SYNRG: variants seen among roughly 807,000 people sequenced by gnomAD.
The protein encoded by SYNRG is synergin gamma, also known as AP1 gamma subunit binding protein 1.
A neutral mutation model predicts 130.9 loss-of-function variants in SYNRG; 37 were observed. The ratio of observed to expected loss-of-function variants is 0.28; its 90% CI spans 0.22 to 0.37. The LOEUF (loss-of-function observed/expected upper bound fraction) is 0.37. Among genes scored for constraint, SYNRG ranks in the 10% least tolerant of loss-of-function variants. SYNRG has a pLI of 1.00. For synonymous variants in SYNRG, 539 were observed against 568.1 expected (o/e 0.95, Z 0.73); for missense variants, 1,338 against 1,588.9 (o/e 0.84, Z 2.68).
chr17:37,567,588 C>A (rs984155821), intron 11 of SYNRG: 1 of 152,176 alleles, frequency 6.6e-6, no homozygotes, highest in African/African-American at 2.4e-5. Context: ...TGGTCACATT[C>A]CTTATATGTT....
chr17:37,569,217 C>G (rs2060225129), intron 10 of SYNRG, among the ~76,000 whole-genome samples: 1 of 152,228 alleles, frequency 6.6e-6, no homozygotes, highest in African/African-American at 2.4e-5. Context: ...CGAGACCAGT[C>G]TGGCTAACAT....
rs369524495 is a variant in SYNRG, at chr17:37,539,233, A to C, written c.3379T>G (p.Tyr1127Asp). The C allele has an allele frequency of 5.0e-6, 8 of 1,614,068 alleles. No homozygotes were observed. In the African/African-American group the frequency reaches 6.7e-5, roughly 13 times the overall value. Residue 1127 changes from tyrosine to aspartate, a missense_variant, in exon 17 of 22, where the codon TAT (tyrosine) becomes GAT (aspartate). By Grantham distance (160) the Tyr-to-Asp change is radical. Transcript: ENST00000612223. ...AGGCATCTCTGCCATTCATATGCAT[A>C]TCTCTCATTTTCCTGTGAATTTGTT... is the stretch of plus-strand genomic sequence containing the variant. The part of the protein sequence containing the change: ...LTGEVEENER[Y>D]AYEWQRCLGS...
chr17:37,576,567 G>A (rs2060854361), intron 7 of SYNRG, 149 bp from the exon 8 acceptor site: 1 of 590,688 alleles, frequency 1.7e-6, no homozygotes, highest in Non-Finnish European at 2.8e-6. Context: ...CCCTGCCTCC[G>A]ATTCAGAATA....
At chr17:37,542,694 G>T in intron 14 of SYNRG, 129 bp from the exon 15 acceptor site, 1 of 690,436 alleles carries the variant, frequency 1.4e-6, no homozygotes, top group Non-Finnish European at 2.3e-6. Flanking sequence ...TAAATTTAGA[G>T]TTTGTACTAA....
Position 37,594,299 on chromosome 17 carries a change from AT to A in SYNRG, c.240+1923del, listed in dbSNP as rs1236996774. ...ATTAATTTTAATTATATTAATTACA[AT>A]ATTAATTATTTTAATTAATATTTAA... On this transcript the variant is annotated intron_variant, in intron 3 of 21. Coordinates refer to ENST00000612223, the MANE Select transcript of SYNRG (RefSeq NM_007247.6). Among the ~76,000 whole-genome samples the A allele has an allele frequency of 5.4e-5, 8 of 147,576 alleles. No homozygotes were observed. In the East Asian group the frequency reaches 1.6e-3, roughly 29 times the overall value.
intron 14 of SYNRG, among the ~76,000 whole-genome samples, chr17:37,547,581 G>GC (rs1012915815): frequency 7.9e-5 from 12 of 151,876 alleles, no homozygotes; most frequent in African/African-American, 1.9e-4. Flanking sequence ...TCGTGCCTCA[G>GC]CCCCCCGAGT....
intron 3 of SYNRG, among the ~76,000 whole-genome samples, chr17:37,591,294 A>G (rs1368764969): frequency 6.6e-6 from 1 of 152,254 alleles, no homozygotes; most frequent in Non-Finnish European, 1.5e-5. Context: ...GCTGAAAACT[A>G]TGTAAATGAT....
At chr17:37,583,634 G>A (rs2061491056) in intron 6 of SYNRG, among the ~76,000 whole-genome samples, 1 of 152,162 alleles carries the variant, frequency 6.6e-6, no homozygotes, top group South Asian at 2.1e-4. Flanking sequence ...TATGAAAACT[G>A]TTCACCTATT....
At position 37,562,621 on chromosome 17, in the gene SYNRG, T is replaced by C. The variant is rs542635135; in HGVS notation, c.1482-1032A>G. 8.5e-5 allele frequency among the ~76,000 whole-genome samples: 13 copies of C among 152,362 alleles called. No individual in the cohort carries two copies. In the East Asian group the frequency reaches 2.1e-3, roughly 25 times the overall value. On this transcript the variant is annotated intron_variant, in intron 11 of 21. Coordinates refer to ENST00000612223, the MANE Select transcript of SYNRG (RefSeq NM_007247.6). ...AAGCAAGGTAAAAACTAGGCTCTGG[T>C]AGCTGCATGCTAATGGGGTACACAG...
At chr17:37,521,352 C>T (rs915700272) in intron 19 of SYNRG, among the ~76,000 whole-genome samples, 9 of 151,984 alleles carry the variant, frequency 5.9e-5, no homozygotes, top group Admixed American at 5.9e-4. Flanking sequence ...TCTAAAATCA[C>T]CTTGGCTGAG....
chr17:37,542,714 T>A (rs147544497), intron 14 of SYNRG, 149 bp from the exon 15 acceptor site: 10 of 654,896 alleles, frequency 1.5e-5, no homozygotes, highest in African/African-American at 1.3e-4. Context: ...AAATTAAGAG[T>A]TGGGCTGTAA....
At chr17:37,607,931 G>A (rs2063910516) in intron 1 of SYNRG, among the ~76,000 whole-genome samples, 1 of 126,176 alleles carries the variant, frequency 7.9e-6, no homozygotes. Flanking sequence ...ACTCTGGCCT[G>A]GGCAACAGAG....
At chr17:37,588,741 C>CT (rs36030652) in intron 3 of SYNRG, among the ~76,000 whole-genome samples, 61,846 of 144,102 alleles carry the variant, frequency 0.43, 13,067 homozygotes, top group East Asian at 0.67. Flanking sequence ...TAGAATTATT[C>CT]TTTTTTTTTT....
rs1455952586 is a variant in SYNRG at position 37,566,063 on chromosome 17, G to A, written c.1481+2728C>T. On this transcript the variant is annotated intron_variant, in intron 11 of 21. Coordinates refer to ENST00000612223, the MANE Select transcript of SYNRG (RefSeq NM_007247.6). Reference sequence around the variant, plus strand: ...CCGTCCCGTCCGGGAGGTGAGGGGCGCCTCTGCCCAGCCACCCCTACTGGG... The same window carrying A: ...CCGTCCCGTCCGGGAGGTGAGGGGCACCTCTGCCCAGCCACCCCTACTGGG... Among the ~76,000 whole-genome samples, 100 of 149,382 alleles carry A rather than the reference G, an allele frequency of 6.7e-4. 2 individuals are homozygous for A. The highest frequency in any genetic ancestry group is 2.4e-3 in the African/African-American group (98 of 40,704).
chr17:37,535,759 G>C (rs1259413003), intron 19 of SYNRG, among the ~76,000 whole-genome samples: 1 of 152,202 alleles, frequency 6.6e-6, no homozygotes, highest in Non-Finnish European at 1.5e-5. Flanking sequence ...ATGTTTTCCT[G>C]TACTGGTTTT....
intron 3 of SYNRG, among the ~76,000 whole-genome samples, chr17:37,595,895 C>T (rs1344183969): frequency 1.3e-5 from 2 of 151,996 alleles, no homozygotes; most frequent in Non-Finnish European, 2.9e-5. Flanking sequence ...GCTGGGACTA[C>T]AGGCACATGC....
rs978194438 is a variant in SYNRG, at chr17:37,529,723, C to T, written c.3666+6256G>A. ...CGCACAGCAGCAACCCAGGAATCTC[C>T]CCACTTATCCTTTCCCCCAAATTCA... On this transcript the variant is annotated intron_variant, in intron 19 of 21. Coordinates refer to ENST00000612223, the MANE Select transcript of SYNRG (RefSeq NM_007247.6). The T allele has an allele frequency of 4.0e-6, 6 of 1,492,888 alleles. No homozygotes were observed. The African/African-American group carries it at 4.2e-5, about 10-fold the overall frequency. The allele number at this position is 1,492,888 out of a possible 1,614,324, so 92.5% of individuals were successfully genotyped here.
chr17:37,603,413 GT>G (rs1362161275), intron 1 of SYNRG, among the ~76,000 whole-genome samples: 1 of 152,158 alleles, frequency 6.6e-6, no homozygotes, highest in Non-Finnish European at 1.5e-5. Flanking sequence ...TTTCCAGAAA[GT>G]TTTCAATTTA....
Position 37,542,359 on chromosome 17 carries a change from T to C in SYNRG, c.2815A>G (p.Ile939Val). The C allele has an allele frequency of 6.2e-7, 1 of 1,614,238 alleles. No individual in the cohort carries two copies. The highest frequency in any genetic ancestry group is 8.5e-7 in the Non-Finnish European group (1 of 1,180,040). ...KETSFGSSEN[I>V]TMTSLSKVTT... ...ACTTTGGAGAGAGATGTCATGGTGA[T>C]GTTTTCAGAACTGCCAAATGAAGTC... The change falls in exon 15 of 22, where the codon ATC (isoleucine) becomes GTC (valine). Residue 939 changes from isoleucine to valine, a missense_variant. This residue lies in a region of SYNRG where 1,146 missense variants were observed against 1,342.3 expected (regional missense o/e 0.85). Coordinates refer to ENST00000612223, the MANE Select transcript of SYNRG (RefSeq NM_007247.6).
Sources: gnomAD v4.1 joint callset for allele counts (sites outside exome capture counted in the v4.1 genomes callset) on GRCh38, gnomAD v4.1.1 for gene constraint, gnomAD v4.1.1 regional missense constraint, MANE v1.5 for transcripts, NCBI Gene and HGNC (gene_info 2026-07-23, HGNC 2026-07-21) for gene names.